Variants in DPF3 observed in about 807,000 individuals in gnomAD.
DPF3 encodes double PHD fingers 3, also known as zinc finger protein DPF3.
Under a neutral mutation model 56.8 loss-of-function variants are expected in DPF3, and 18 were observed. The observed-to-expected ratio is 0.32, with a 90% CI of 0.22 to 0.47. The LOEUF (loss-of-function observed/expected upper bound fraction) is 0.47. Among genes scored for constraint, DPF3 ranks in the 20% least tolerant of loss-of-function variants. The pLI is 1.00. For missense variants in DPF3, 403 were observed against 488.8 expected, an observed-to-expected ratio of 0.82 and a Z score of 1.65; for synonymous variants, 188 against 180.2, an observed-to-expected ratio of 1.04 and a Z score of -0.35.
intron 5 of DPF3, among the ~76,000 whole-genome samples, chr14:72,721,250 G>A (rs1450470954): frequency 6.6e-6 from 1 of 152,192 alleles, no homozygotes; most frequent in East Asian, 1.9e-4. Context: ...AATATACATG[G>A]TTGCACTGAC....
intron 1 of DPF3, among the ~76,000 whole-genome samples, chr14:72,854,304 C>T (rs1005720446): frequency 6.6e-6 from 1 of 150,732 alleles, no homozygotes; most frequent in African/African-American, 2.4e-5. Context: ...TGCAGTGAGC[C>T]GAGATCACAC....
intron 2 of DPF3, among the ~76,000 whole-genome samples, chr14:72,770,807 C>A (rs1891492314): frequency 6.6e-6 from 1 of 152,144 alleles, no homozygotes; most frequent in Non-Finnish European, 1.5e-5. Context: ...TAGCTGTCTC[C>A]CTAATAAAAA....
In DPF3 at chr14:72,609,266, G is replaced by A. The variant is rs760017951; in HGVS notation, c.*10031C>T. Among the ~76,000 whole-genome samples, 1 of 152,146 alleles carries A rather than the reference G, an allele frequency of 6.6e-6. No homozygotes were observed. The highest frequency in any genetic ancestry group is 2.4e-5 in the African/African-American group (1 of 41,422). ...CACATTCTTCATCTCATCAGCGACA[G>A]GTCTCCCTCCCAGAACCCCATCAGG... On this transcript the variant is annotated 3_prime_UTR_variant, in exon 11 of 11. Transcript: ENST00000556509.
rs973186931 is a variant in DPF3, at chr14:72,617,710, A to G, written c.*1587T>C. On this transcript the variant is annotated 3_prime_UTR_variant, in exon 11 of 11. Coordinates refer to ENST00000556509, the MANE Select transcript of DPF3 (RefSeq NM_001280542.3). ...GCCAAGAGCAATTAGCCTAGAGAGG[A>G]GCACTCCTGCCGAGGGACAGCACAA... Among the ~76,000 whole-genome samples, 16 of 152,116 alleles carry G rather than the reference A, an allele frequency of 1.1e-4. No homozygotes were observed. The highest frequency in any genetic ancestry group is 3.9e-4 in the African/African-American group (16 of 41,412).
intron 1 of DPF3, among the ~76,000 whole-genome samples, chr14:72,866,363 G>A (rs1049491115): frequency 5.4e-5 from 8 of 148,276 alleles, no homozygotes; most frequent in East Asian, 1.9e-4. Context: ...CAAACTTTTC[G>A]CCCAAGTATT....
intron 1 of DPF3, chr14:72,892,322 C>T (rs1886784716): frequency 1.3e-6 from 2 of 1,535,292 alleles, no homozygotes; most frequent in Non-Finnish European, 1.7e-6. Context: ...AAGTTACGCC[C>T]ATTTATTCTG....
chr14:72,788,453 T>C (rs1567232942), intron 1 of DPF3, among the ~76,000 whole-genome samples: 1 of 152,036 alleles, frequency 6.6e-6, no homozygotes, highest in African/African-American at 2.4e-5. Context: ...GCAGAGTCAC[T>C]GTGGGTGGAG....
intron 3 of DPF3, among the ~76,000 whole-genome samples, chr14:72,750,325 C>G (rs1890512472): frequency 1.3e-5 from 2 of 152,280 alleles, no homozygotes; most frequent in South Asian, 4.1e-4. Context: ...TTAGTGATAT[C>G]TAAGGTATCG....
chr14:72,683,732 C>A (rs948565599), intron 7 of DPF3, among the ~76,000 whole-genome samples: 36 of 152,270 alleles, frequency 2.4e-4, no homozygotes, highest in African/African-American at 8.7e-4. Context: ...CTGTGCAAAT[C>A]ATTTGGGGAT....
intron 3 of DPF3, among the ~76,000 whole-genome samples, chr14:72,732,418 C>T (rs1431288933): frequency 1.3e-5 from 2 of 152,230 alleles, no homozygotes; most frequent in African/African-American, 2.4e-5. Context: ...CAGCTCTTGT[C>T]TGTCAACCCC....
At chr14:72,836,731 A>T (rs993102767) in intron 1 of DPF3, among the ~76,000 whole-genome samples, 2 of 151,916 alleles carry the variant, frequency 1.3e-5, no homozygotes, top group Non-Finnish European at 2.9e-5. Flanking sequence ...GATGAAGAAA[A>T]TCTCTCTCAA....
chr14:72,747,987 T>C (rs959399008), intron 3 of DPF3, among the ~76,000 whole-genome samples: 4 of 152,214 alleles, frequency 2.6e-5, no homozygotes, highest in Non-Finnish European at 4.4e-5. Context: ...AACAGACTAA[T>C]GCAGTAAATT....
chr14:72,878,594 A>G (rs7160347), intron 1 of DPF3, among the ~76,000 whole-genome samples: 80,507 of 151,964 alleles, frequency 0.53, 22,397 homozygotes, highest in East Asian at 0.75. Flanking sequence ...AGAAAAAAGA[A>G]TCCTCCAGTA....
intron 1 of DPF3, among the ~76,000 whole-genome samples, chr14:72,874,921 A>G (rs906783764): frequency 1.8e-4 from 28 of 152,350 alleles, no homozygotes; most frequent in African/African-American, 6.5e-4. Flanking sequence ...TGATAAAGAC[A>G]TACCTGAGAC....
intron 1 of DPF3, among the ~76,000 whole-genome samples, chr14:72,864,610 C>T (rs1885587323): frequency 6.6e-6 from 1 of 152,230 alleles, no homozygotes; most frequent in African/African-American, 2.4e-5. Flanking sequence ...AAAGCTTGAG[C>T]TTTCAGCTCT....
chr14:72,805,675 G>A (rs777074734), intron 1 of DPF3, among the ~76,000 whole-genome samples: 4 of 151,986 alleles, frequency 2.6e-5, no homozygotes, highest in Admixed American at 6.6e-5. Context: ...GTGAAATCCC[G>A]TCTCTACTAA....
At chr14:72,671,500 G>A (rs747226117) in intron 8 of DPF3, 15 of 1,035,596 alleles carry the variant, frequency 1.4e-5, no homozygotes, top group African/African-American at 4.7e-5. Context: ...GGGGATTTGG[G>A]ACAAAGCAAA....
At chr14:72,669,899 A>C in intron 8 of DPF3, 1 of 986,014 alleles carries the variant, frequency 1.0e-6, no homozygotes, top group South Asian at 4.7e-5. Context: ...GAAAACTAAA[A>C]AATAGATATG....
At chr14:72,783,186 C>A (rs997701911) in intron 1 of DPF3, among the ~76,000 whole-genome samples, 2 of 152,116 alleles carry the variant, frequency 1.3e-5, no homozygotes, top group African/African-American at 4.8e-5. Flanking sequence ...TAGCCCACCC[C>A]ACCCCAACCC....
Sources: allele counts gnomAD v4.1 joint callset (sites outside exome capture counted in the v4.1 genomes callset), GRCh38; gene constraint gnomAD v4.1.1; transcripts MANE v1.5; gene names NCBI Gene and HGNC (gene_info 2026-07-23, HGNC 2026-07-21).